Variants in GPC5 observed in about 807,000 individuals in gnomAD.
The protein encoded by GPC5 is glypican-5.
GPC5 carries 47 observed loss-of-function variants against 53.9 expected under a neutral mutation model. The observed-to-expected ratio is 0.87, with a 90% CI of 0.69 to 1.11. The LOEUF is 1.11. Ranked by LOEUF, GPC5 falls within the 50% of genes most tolerant of loss-of-function variation. The pLI, the probability that GPC5 is intolerant of heterozygous loss-of-function variation, is 0.00. For synonymous variants in GPC5, 286 were observed against 263.3 expected (o/e 1.09, Z -0.84); for missense variants, 748 against 713.1 (o/e 1.05, Z -0.56).
rs1282704958 is a variant in GPC5 at position 92,609,999 on chromosome 13, C to G, written c.1562-256283C>G. On this transcript the variant is annotated intron_variant, in intron 7 of 7. Coordinates refer to ENST00000377067, the MANE Select transcript of GPC5 (RefSeq NM_004466.6). ...TGAGCCTAGATCATGCCACTGCACT[C>G]CAGTCTGAGCAACAGAGCGAGACTC... Among the ~76,000 whole-genome samples the G allele has an allele frequency of 2.3e-5, 3 of 130,824 alleles. No individual in the cohort carries two copies. In the East Asian group the frequency reaches 8.0e-4, roughly 35 times the overall value. 85.8% of individuals were successfully genotyped at this position (130,824 alleles called of 152,430 possible).
intron 6 of GPC5, among the ~76,000 whole-genome samples, chr13:92,087,778 C>T (rs2041347534): frequency 1.3e-5 from 2 of 152,052 alleles, no homozygotes; most frequent in Non-Finnish European, 2.9e-5. Flanking sequence ...TCTTATTTTA[C>T]CTGTAAACAT....
At chr13:92,134,414 G>A (rs532767335) in intron 6 of GPC5, among the ~76,000 whole-genome samples, 4 of 151,992 alleles carry the variant, frequency 2.6e-5, no homozygotes, top group African/African-American at 4.8e-5. Context: ...AAATATATAC[G>A]TTAAAATGTA....
intron 7 of GPC5, among the ~76,000 whole-genome samples, chr13:92,814,944 G>A (rs567992940): frequency 4.0e-5 from 6 of 151,528 alleles, no homozygotes; most frequent in Non-Finnish European, 7.4e-5. Flanking sequence ...TTCTCAAATC[G>A]CAAACCACAT....
chr13:91,907,965 A>C lies in GPC5; in HGVS notation c.1309A>C (p.Ile437Leu), dbSNP rs1212255706. 5 of 1,595,478 alleles carry C rather than the reference A, an allele frequency of 3.1e-6. No homozygotes were observed. The highest frequency in any genetic ancestry group is 4.2e-6 in the Non-Finnish European group (5 of 1,178,524). The change falls in exon 6 of 8, where the codon ATC becomes CTC. Residue 437 changes from isoleucine to leucine, a missense_variant. Transcript: ENST00000377067. ...SYTQRVVGNG[I>L]KAQSGNPEVK... ...TACTCAGCGTGTGGTTGGAAATGGA[A>C]TCAAAGCCCAGTCTGGAAATCCTGA...
chr13:92,198,933 C>G (rs1452342240), intron 7 of GPC5, among the ~76,000 whole-genome samples: 2 of 152,166 alleles, frequency 1.3e-5, no homozygotes, highest in African/African-American at 4.8e-5. Flanking sequence ...AGCAGACACA[C>G]AGATGATAAG....
intron 4 of GPC5, among the ~76,000 whole-genome samples, chr13:91,748,098 T>A (rs1408332861): frequency 6.6e-6 from 1 of 152,218 alleles, no homozygotes; most frequent in Admixed American, 6.5e-5. Context: ...GATGACAATG[T>A]ATAGATAGGA....
At chr13:92,016,678 T>C (rs185684888) in intron 6 of GPC5, among the ~76,000 whole-genome samples, 32 of 152,292 alleles carry the variant, frequency 2.1e-4, no homozygotes, top group African/African-American at 5.3e-4. Context: ...ACAGCCATTT[T>C]AACTAAAATC....
chr13:92,200,974 GACACACACACACACACAC>G (rs66619017), intron 7 of GPC5, among the ~76,000 whole-genome samples: 6 of 147,028 alleles, frequency 4.1e-5, no homozygotes, highest in African/African-American at 7.4e-5. Flanking sequence ...CAGGCACTCA[GACACACACACACACACAC>G]ACACACACAC....
intron 6 of GPC5, among the ~76,000 whole-genome samples, chr13:92,057,442 TTTAAAACCCCTA>T (rs2041084608): frequency 6.6e-6 from 1 of 152,216 alleles, no homozygotes. Flanking sequence ...ATGGTTGTTG[TTTAAAACCCCTA>T]AGTTCAGGGG....
At chr13:92,158,722 C>A (rs2041963871) in intron 7 of GPC5, among the ~76,000 whole-genome samples, 1 of 151,514 alleles carries the variant, frequency 6.6e-6, no homozygotes, top group Non-Finnish European at 1.5e-5. Flanking sequence ...CTCTCTGCTT[C>A]TGTATTGTCC....
intron 7 of GPC5, among the ~76,000 whole-genome samples, chr13:92,405,791 G>T (rs565841057): frequency 1.3e-5 from 2 of 152,232 alleles, no homozygotes; most frequent in South Asian, 4.1e-4. Context: ...GGAAAAAAAA[G>T]TCTATATTTA....
At chr13:92,396,839 C>G (rs1454914111) in intron 7 of GPC5, among the ~76,000 whole-genome samples, 1 of 152,196 alleles carries the variant, frequency 6.6e-6, no homozygotes, top group Non-Finnish European at 1.5e-5. Context: ...CCTTATCCCA[C>G]TTTGGTGAGA....
intron 7 of GPC5, among the ~76,000 whole-genome samples, chr13:92,421,624 T>G (rs1169570692): frequency 1.5e-5 from 2 of 137,702 alleles, no homozygotes; most frequent in Non-Finnish European, 3.0e-5. Flanking sequence ...GCGTGAACCC[T>G]GGAGGAGGAG....
intron 2 of GPC5, among the ~76,000 whole-genome samples, chr13:91,564,216 CT>C (rs1442995056): frequency 5.9e-5 from 9 of 152,284 alleles, no homozygotes; most frequent in South Asian, 4.1e-4. Flanking sequence ...GTGATTTCTT[CT>C]TTTAGGAGAA....
chr13:92,307,628 C>G (rs1406032440), intron 7 of GPC5, among the ~76,000 whole-genome samples: 1 of 152,212 alleles, frequency 6.6e-6, no homozygotes. Flanking sequence ...TTTCCTCCCC[C>G]TAGGGCTCAA....
intron 7 of GPC5, among the ~76,000 whole-genome samples, chr13:92,759,962 T>TTGA (rs2138735601): frequency 6.6e-6 from 1 of 152,244 alleles, no homozygotes; most frequent in Admixed American, 6.5e-5. Context: ...TCTGCATCAA[T>TTGA]TGATATGATC....
chr13:92,355,719 G>A (rs2043515739), intron 7 of GPC5, among the ~76,000 whole-genome samples: 1 of 151,876 alleles, frequency 6.6e-6, no homozygotes, highest in Admixed American at 6.6e-5. Context: ...ACCATCCACT[G>A]CATGGGCATA....
intron 6 of GPC5, among the ~76,000 whole-genome samples, chr13:91,956,030 C>A (rs1341891893): frequency 6.6e-6 from 1 of 152,168 alleles, no homozygotes; most frequent in Non-Finnish European, 1.5e-5. Context: ...AAGCCAACCA[C>A]CCTCCCCAGC....
chr13:92,582,702 C>T (rs190750104), intron 7 of GPC5, among the ~76,000 whole-genome samples: 47 of 152,034 alleles, frequency 3.1e-4, no homozygotes, highest in Admixed American at 1.7e-3. Context: ...TTTCAGTGTG[C>T]GGATCTTTCA....
Sources: allele counts gnomAD v4.1 joint callset (sites outside exome capture counted in the v4.1 genomes callset), GRCh38; gene constraint gnomAD v4.1.1; transcripts MANE v1.5; gene names NCBI Gene and HGNC (gene_info 2026-07-23, HGNC 2026-07-21).